Variants in MTHFD1L observed in about 807,000 individuals in gnomAD.
The protein encoded by MTHFD1L is monofunctional C1-tetrahydrofolate synthase, mitochondrial.
In MTHFD1L, 81 loss-of-function variants were observed where a neutral mutation model predicts 119.5. The ratio of observed to expected loss-of-function variants is 0.68; its 90% CI spans 0.57 to 0.82. MTHFD1L has a LOEUF of 0.82. MTHFD1L is among the 40% of genes least tolerant of loss of function. The pLI, the probability that MTHFD1L is intolerant of heterozygous loss-of-function variation, is 0.00. For missense variants in MTHFD1L, 1,125 were observed against 1,253.4 expected, an observed-to-expected ratio of 0.90 and a Z score of 1.55; for synonymous variants, 430 against 475.2, an observed-to-expected ratio of 0.90 and a Z score of 1.24.
chr6:151,066,437 CAAAAAAAA>C (rs35065800), intron 26 of MTHFD1L, among the ~76,000 whole-genome samples: 4 of 50,710 alleles, frequency 7.9e-5, no homozygotes, highest in African/African-American at 3.0e-4. Context: ...GACTCCATCT[CAAAAAAAA>C]AAAAAAAAAA....
Position 151,029,102 on chromosome 6 carries a change from G to A in MTHFD1L, c.2587-5391G>A, listed in dbSNP as rs140532573. Among the ~76,000 whole-genome samples the A allele has an allele frequency of 6.2e-3, 939 of 152,042 alleles. 15 individuals are homozygous for A. The highest frequency in any genetic ancestry group is 0.02 in the African/African-American group (846 of 41,462). ...ATGGTAAATTATATGTTATGTGTACGTTACCAAAATTAAAGTTCTTAAAAA... is the reference window on the plus strand; with the variant it reads ...ATGGTAAATTATATGTTATGTGTACATTACCAAAATTAAAGTTCTTAAAAA... On this transcript the variant is annotated intron_variant, in intron 24 of 27. Coordinates refer to ENST00000367321, the MANE Select transcript of MTHFD1L (RefSeq NM_015440.5).
intron 26 of MTHFD1L, among the ~76,000 whole-genome samples, chr6:151,042,489 A>G (rs550714728): frequency 3.9e-5 from 6 of 152,298 alleles, no homozygotes; most frequent in Non-Finnish European, 7.3e-5. Flanking sequence ...ATGCTTCCAA[A>G]ATTCTTTCAA....
intron 20 of MTHFD1L, among the ~76,000 whole-genome samples, chr6:150,977,918 TGA>T (rs1776842316): frequency 7.2e-6 from 1 of 139,422 alleles, no homozygotes; most frequent in Non-Finnish European, 1.6e-5. Context: ...TTTTTTTTTT[TGA>T]GATGGAGTCC....
At chr6:150,869,571 G>A (rs2128718895) in intron 1 of MTHFD1L, among the ~76,000 whole-genome samples, 1 of 151,826 alleles carries the variant, frequency 6.6e-6, no homozygotes, top group East Asian at 2.0e-4. Flanking sequence ...TGGCCAGGCT[G>A]GTCTCAAACT....
chr6:150,986,460 T>C (rs1410539056), intron 20 of MTHFD1L, among the ~76,000 whole-genome samples: 1 of 152,202 alleles, frequency 6.6e-6, no homozygotes, highest in Non-Finnish European at 1.5e-5. Flanking sequence ...CAGGGACCGG[T>C]GTCTTGGAAG....
chr6:150,968,995 C>T (rs1273314884), intron 19 of MTHFD1L, among the ~76,000 whole-genome samples: 1 of 151,688 alleles, frequency 6.6e-6, no homozygotes, highest in Non-Finnish European at 1.5e-5. Context: ...ATTACAGGCG[C>T]CCGCTACCAT....
At position 151,045,885 on chromosome 6, in the gene MTHFD1L, G is replaced by A. The variant is rs200132183; in HGVS notation, c.2847+8768G>A. Among the ~76,000 whole-genome samples, 7 of 152,286 alleles carry A rather than the reference G, an allele frequency of 4.6e-5. No homozygotes were observed. In the South Asian group the frequency reaches 1.5e-3, roughly 32 times the overall value. ...TCCTCCACAACCCAGGGAAAGCTAC[G>A]TGTGTGTCTGTCCCATAGGGAAGGA... is the stretch of plus-strand genomic sequence containing the variant. On this transcript the variant is annotated intron_variant, in intron 26 of 27. Coordinates refer to ENST00000367321, the MANE Select transcript of MTHFD1L (RefSeq NM_015440.5).
chr6:150,866,734 G>C, intron 1 of MTHFD1L: 1 of 1,064,170 alleles, frequency 9.4e-7, no homozygotes, highest in South Asian at 4.6e-5. Context: ...TCCCCGCGCA[G>C]CTGGGTTTGC....
chr6:151,029,290 G>A (rs1396402041), intron 24 of MTHFD1L, among the ~76,000 whole-genome samples: 3 of 150,846 alleles, frequency 2.0e-5, no homozygotes, highest in African/African-American at 4.9e-5. Context: ...GCGTGGTGGC[G>A]GGAGCCTGTA....
In MTHFD1L at chr6:150,874,096, C is replaced by T. The variant is rs568788485; in HGVS notation, c.228-1994C>T. 7.2e-5 allele frequency among the ~76,000 whole-genome samples: 11 copies of T among 152,210 alleles called. No individual in the cohort carries two copies. In the South Asian group the frequency reaches 1.0e-3, roughly 14 times the overall value. On this transcript the variant is annotated intron_variant, in intron 1 of 27. Coordinates refer to ENST00000367321, the MANE Select transcript of MTHFD1L (RefSeq NM_015440.5). The stretch of plus-strand genomic sequence containing the variant: ...CCCAGCATAGCCAAATTAACAGTCA[C>T]GACAGGCTGGAAAGAGTGCGGTATA...
intron 15 of MTHFD1L, among the ~76,000 whole-genome samples, chr6:150,948,726 C>T (rs571108811): frequency 6.6e-5 from 10 of 150,668 alleles, no homozygotes; most frequent in East Asian, 2.0e-4. Flanking sequence ...CCGCAACCTC[C>T]GCCTCCCAGG....
rs113289297 is a variant in MTHFD1L, at chr6:150,867,108, C to CCT, written c.227+1059_227+1060insCT. Among the ~76,000 whole-genome samples, 998 of 152,292 alleles carry CCT rather than the reference C, an allele frequency of 6.6e-3. 12 individuals carry two copies. The highest frequency in any genetic ancestry group is 0.023 in the African/African-American group (950 of 41,550). On this transcript the variant is annotated intron_variant, in intron 1 of 27. Transcript: ENST00000367321. The stretch of plus-strand genomic sequence containing the variant: ...ATTTTCCTCCCCACTCCCCTTCTCC[C>CCT]ATCTCAGTAAAATACGTTTCCTAGG...
At chr6:150,917,738 A>G (rs550694953) in intron 8 of MTHFD1L, among the ~76,000 whole-genome samples, 2 of 152,318 alleles carry the variant, frequency 1.3e-5, no homozygotes, top group South Asian at 2.1e-4. Context: ...GATATTACTC[A>G]CATTAATTAA....
chr6:150,931,020 T>G (rs1457096784), intron 11 of MTHFD1L, among the ~76,000 whole-genome samples: 2 of 152,190 alleles, frequency 1.3e-5, no homozygotes, highest in Non-Finnish European at 2.9e-5. Flanking sequence ...TCTTAGGGAC[T>G]CATGAGTTTT....
rs868213113 is a variant in MTHFD1L at position 151,090,921 on chromosome 6, T to C, written c.2848-1546T>C. On this transcript the variant is annotated intron_variant, in intron 26 of 27. Transcript: ENST00000367321. ...CCCATGCGACTGGGTGCAGCATCGT[T>C]CCATGCGACTGGGTGCAGCATCGTT... is the stretch of plus-strand genomic sequence containing the variant. Among the ~76,000 whole-genome samples the C allele has an allele frequency of 3.7e-3, 435 of 118,246 alleles. 3 individuals carry two copies. The highest frequency in any genetic ancestry group is 0.014 in the African/African-American group (390 of 27,536). The allele number at this position is 118,246 out of a possible 152,430, so 77.6% of individuals were successfully genotyped here. A position where few individuals can be genotyped will look rare whatever the true frequency, so the allele number is the denominator to read the frequency against.
intron 1 of MTHFD1L, among the ~76,000 whole-genome samples, chr6:150,873,908 G>A (rs1779966786): frequency 1.3e-5 from 2 of 152,138 alleles, no homozygotes; most frequent in Admixed American, 1.3e-4. Flanking sequence ...GACCTCAAGT[G>A]ATCCATTTCA....
At chr6:150,938,205 A>G (rs937204622) in intron 12 of MTHFD1L, among the ~76,000 whole-genome samples, 9 of 151,940 alleles carry the variant, frequency 5.9e-5, no homozygotes, top group Non-Finnish European at 2.9e-5. Context: ...TTTAATAGAG[A>G]TAGGGTTTCA....
chr6:150,938,378 ATAAAG>A (rs767683608), intron 12 of MTHFD1L, among the ~76,000 whole-genome samples: 3 of 152,222 alleles, frequency 2.0e-5, no homozygotes, highest in African/African-American at 7.2e-5. Context: ...ATTGATTTAG[ATAAAG>A]TATAGTCACA....
chr6:151,058,579 A>G (rs1188985592), intron 26 of MTHFD1L, among the ~76,000 whole-genome samples: 1 of 152,076 alleles, frequency 6.6e-6, no homozygotes, highest in African/African-American at 2.4e-5. Flanking sequence ...TATGGTGAAG[A>G]CTGTTATTTA....
Sources: allele counts gnomAD v4.1 joint callset (sites outside exome capture counted in the v4.1 genomes callset), GRCh38; gene constraint gnomAD v4.1.1; transcripts MANE v1.5; gene names NCBI Gene and HGNC (gene_info 2026-07-23, HGNC 2026-07-21).